GPC6: variants seen among roughly 807,000 people sequenced by gnomAD.
The protein encoded by GPC6 is glypican 6.
Under a neutral mutation model 55.2 loss-of-function variants are expected in GPC6, and 14 were observed. The ratio of observed to expected loss-of-function variants is 0.25; its 90% confidence interval spans 0.17 to 0.40. The LOEUF (loss-of-function observed/expected upper bound fraction) is 0.40, where lower values mean the gene tolerates loss of function less well. GPC6 is among the 10% of genes least tolerant of loss of function. The probability of loss-of-function intolerance (pLI) is 1.00; values close to 1 mark genes in which losing one functional copy is unlikely to be tolerated. For synonymous variants in GPC6, 278 were observed against 259.6 expected (o/e 1.07, Z -0.68); for missense variants, 641 against 708.5 (o/e 0.90, Z 1.08).
At chr13:93,401,689 C>CT (rs4001853) in intron 1 of GPC6, among the ~76,000 whole-genome samples, 946 of 64,448 alleles carry the variant, frequency 0.015, 28 homozygotes, top group African/African-American at 0.046. Flanking sequence ...CATGAATGGA[C>CT]TTTTTTTTTT....
At chr13:93,705,644 T>G (rs1882823511) in intron 2 of GPC6, among the ~76,000 whole-genome samples, 1 of 151,720 alleles carries the variant, frequency 6.6e-6, no homozygotes, top group African/African-American at 2.4e-5. Context: ...TTTCAGATAG[T>G]TAATGGATAT....
intron 1 of GPC6, among the ~76,000 whole-genome samples, chr13:93,430,447 C>T (rs1242669993): frequency 6.6e-6 from 1 of 152,052 alleles, no homozygotes; most frequent in Non-Finnish European, 1.5e-5. Flanking sequence ...CTATGTGAGC[C>T]ATGCCCAAAG....
At chr13:93,979,637 T>A (rs1385636884) in intron 3 of GPC6, among the ~76,000 whole-genome samples, 1 of 151,904 alleles carries the variant, frequency 6.6e-6, no homozygotes, top group African/African-American at 2.4e-5. Flanking sequence ...AAATGTGGAG[T>A]CAGTGAACTC....
intron 6 of GPC6, among the ~76,000 whole-genome samples, chr13:94,336,659 T>C (rs1014671899): frequency 2.0e-5 from 3 of 152,112 alleles, no homozygotes; most frequent in African/African-American, 7.2e-5. Context: ...AAAGAGAGGT[T>C]GTGGAATATC....
chr13:93,948,495 G>C (rs1035804032), intron 3 of GPC6, among the ~76,000 whole-genome samples: 3 of 152,130 alleles, frequency 2.0e-5, no homozygotes, highest in Non-Finnish European at 2.9e-5. Context: ...GTGGTGTCCA[G>C]GCAATTTTTT....
At chr13:93,298,534 A>C (rs1878568821) in intron 1 of GPC6, among the ~76,000 whole-genome samples, 1 of 152,080 alleles carries the variant, frequency 6.6e-6, no homozygotes, top group Non-Finnish European at 1.5e-5. Context: ...TCCTGGGCTT[A>C]AGCGATCCTC....
chr13:94,344,918 T>C (rs1470869637), intron 6 of GPC6, among the ~76,000 whole-genome samples: 1 of 152,250 alleles, frequency 6.6e-6, no homozygotes, highest in Non-Finnish European at 1.5e-5. Context: ...TTTCTCTTTG[T>C]TGAATTAAAG....
At chr13:94,370,062 C>T (rs1336277424) in intron 6 of GPC6, among the ~76,000 whole-genome samples, 1 of 152,340 alleles carries the variant, frequency 6.6e-6, no homozygotes, top group Middle Eastern at 3.4e-3. Context: ...AGAAGTACAG[C>T]TGTTCTTTAG....
chr13:94,048,232 A>T (rs1011343527), intron 4 of GPC6, among the ~76,000 whole-genome samples: 1 of 152,088 alleles, frequency 6.6e-6, no homozygotes, highest in Non-Finnish European at 1.5e-5. Flanking sequence ...TGACAAGGAA[A>T]ACAGATAGTA....
intron 1 of GPC6, among the ~76,000 whole-genome samples, chr13:93,470,749 C>T (rs1879081216): frequency 1.3e-5 from 2 of 151,624 alleles, no homozygotes; most frequent in Admixed American, 1.3e-4. Context: ...GTAGAATCTG[C>T]CAGTTAAACT....
At chr13:93,959,401 G>C (rs1269633542) in intron 3 of GPC6, among the ~76,000 whole-genome samples, 2 of 152,164 alleles carry the variant, frequency 1.3e-5, no homozygotes, top group African/African-American at 4.8e-5. Context: ...CACCTCAGGT[G>C]ATCTGCCTGT....
rs191767446 is a variant in GPC6, at chr13:93,726,520, G to T, written c.320-103634G>T. Among the ~76,000 whole-genome samples the T allele has an allele frequency of 2.6e-5, 4 of 152,014 alleles. No homozygotes were observed. The South Asian group carries it at 8.3e-4, about 32-fold the overall frequency. Reference sequence around the variant, plus strand: ...AAAATCCTATTTTCCTTCCCTCGGGGTATGTCAGAGAAAATTTCATAACCC... The same window carrying T: ...AAAATCCTATTTTCCTTCCCTCGGGTTATGTCAGAGAAAATTTCATAACCC... On this transcript the variant is annotated intron_variant, in intron 2 of 8. Coordinates refer to ENST00000377047, the MANE Select transcript of GPC6 (RefSeq NM_005708.5).
At chr13:93,386,558 C>T (rs2139211445) in intron 1 of GPC6, among the ~76,000 whole-genome samples, 2 of 152,326 alleles carry the variant, frequency 1.3e-5, no homozygotes, top group South Asian at 4.1e-4. Flanking sequence ...GAAAGAGGCT[C>T]TGACATTCTT....
intron 6 of GPC6, among the ~76,000 whole-genome samples, chr13:94,353,693 A>G (rs1878662558): frequency 6.6e-6 from 1 of 152,234 alleles, no homozygotes; most frequent in Non-Finnish European, 1.5e-5. Context: ...GAAAATTAAA[A>G]TTCTGGAAAG....
intron 5 of GPC6, among the ~76,000 whole-genome samples, chr13:94,297,959 TAGAGA>T (rs1345763275): frequency 6.6e-6 from 1 of 151,964 alleles, no homozygotes; most frequent in African/African-American, 2.4e-5. Flanking sequence ...AAAAGATGAC[TAGAGA>T]AGAGATTATT....
intron 3 of GPC6, among the ~76,000 whole-genome samples, chr13:93,954,910 A>C (rs1879431173): frequency 6.6e-6 from 1 of 152,146 alleles, no homozygotes; most frequent in South Asian, 2.1e-4. Context: ...TAGTGGGAAC[A>C]AAGAGACTTG....
chr13:93,893,149 T>C (rs1163221843), intron 3 of GPC6, among the ~76,000 whole-genome samples: 10 of 150,556 alleles, frequency 6.6e-5, no homozygotes, highest in African/African-American at 2.5e-4. Context: ...AACCTCCACC[T>C]CCCAGGCTCA....
intron 1 of GPC6, among the ~76,000 whole-genome samples, chr13:93,371,530 T>C (rs1233998876): frequency 6.6e-6 from 1 of 152,100 alleles, no homozygotes; most frequent in Non-Finnish European, 1.5e-5. Flanking sequence ...CAATGGACCA[T>C]TTCAGTCTGA....
intron 4 of GPC6, among the ~76,000 whole-genome samples, chr13:94,164,687 A>G (rs1252305668): frequency 2.0e-5 from 3 of 152,206 alleles, no homozygotes; most frequent in Non-Finnish European, 2.9e-5. Flanking sequence ...ACAGTGATAG[A>G]GCGGATAACA....
Sources: allele counts gnomAD v4.1 joint callset (sites outside exome capture counted in the v4.1 genomes callset), GRCh38; gene constraint gnomAD v4.1.1; transcripts MANE v1.5; gene names NCBI Gene and HGNC (gene_info 2026-07-23, HGNC 2026-07-21).